Variants in PINX1 observed in about 807,000 individuals in gnomAD.
PINX1 encodes the protein PIN2 (TERF1) interacting telomerase inhibitor 1, also known as PIN2/TERF1-interacting telomerase inhibitor 1.
In PINX1, 34 loss-of-function variants were observed where a neutral mutation model predicts 25.4. That is an observed-to-expected ratio of 1.34 (90% CI 1.02 to 1.78). The LOEUF is 1.78. Among genes scored for constraint, PINX1 ranks in the 40% most tolerant of loss-of-function variants. PINX1 has a pLI of 0.00. For synonymous variants in PINX1, 197 were observed against 147.7 expected, an observed-to-expected ratio of 1.33 and a Z score of -2.42; for missense variants, 592 against 404.9, an observed-to-expected ratio of 1.46 and a Z score of -3.97.
chr8:10,780,135 T>C lies in PINX1; in HGVS notation c.472-14219A>G, dbSNP rs74794055. ...TTTTCTGGTAGTCTTTGGGGTTTTC[T>C]ACATATAGGATCAGGTCATCTGCAA... On this transcript the variant is annotated intron_variant, in intron 6 of 6. Transcript: ENST00000314787. Among the ~76,000 whole-genome samples the C allele has an allele frequency of 2.8e-3, 424 of 152,376 alleles. 1 individual carries two copies. Among genetic ancestry groups the C allele is most frequent in the African/African-American group, 9.4e-3 (392 of 41,600 alleles).
chr8:10,803,341 G>C (rs1249513301), intron 6 of PINX1, among the ~76,000 whole-genome samples: 1 of 152,116 alleles, frequency 6.6e-6, no homozygotes, highest in Non-Finnish European at 1.5e-5. Flanking sequence ...TAATTTCTTG[G>C]CATCTAATGC....
At chr8:10,818,254 G>A (rs1797760006) in intron 6 of PINX1, among the ~76,000 whole-genome samples, 1 of 152,140 alleles carries the variant, frequency 6.6e-6, no homozygotes, top group Non-Finnish European at 1.5e-5. Flanking sequence ...TACACACACT[G>A]GACCAAAAGA....
Position 10,820,046 on chromosome 8 carries a change from G to GATC in PINX1, c.471+144_471+146dup, listed in dbSNP as rs1211132590. ...ATCTACCCACTAATATTATGAAAAG[G>GATC]ATCATATCTAGGCTGTGCATGAAGC... On this transcript the variant is annotated intron_variant, in intron 6 of 6. Transcript: ENST00000314787. 6.8e-6 allele frequency: 4 copies of GATC among 590,872 alleles called. No individual in the cohort carries two copies. In the East Asian group the frequency reaches 1.1e-4, roughly 16 times the overall value. The allele number at this position is 590,872 out of a possible 1,614,324, so 36.6% of individuals were successfully genotyped here.
intron 6 of PINX1, among the ~76,000 whole-genome samples, chr8:10,813,167 T>A (rs79668182): frequency 1.3e-5 from 2 of 152,204 alleles, no homozygotes; most frequent in Non-Finnish European, 2.9e-5. Context: ...TGTGGGCTTA[T>A]AGTTCTCCCT....
chr8:10,787,666 G>C, intron 6 of PINX1: 1 of 332,046 alleles, frequency 3.0e-6, no homozygotes, highest in Non-Finnish European at 5.9e-6. Context: ...GGATAAATGT[G>C]GATTCAGCAG....
At chr8:10,822,814 C>T (rs544849961) in intron 5 of PINX1, among the ~76,000 whole-genome samples, 13 of 151,878 alleles carry the variant, frequency 8.6e-5, no homozygotes, top group Admixed American at 5.9e-4. Flanking sequence ...GTTGAGCTGC[C>T]GAGAGTAAAG....
At chr8:10,819,592 C>A (rs1797802939) in intron 6 of PINX1, among the ~76,000 whole-genome samples, 1 of 152,160 alleles carries the variant, frequency 6.6e-6, no homozygotes, top group Non-Finnish European at 1.5e-5. Flanking sequence ...ATTATACAGC[C>A]CAATTTAATA....
chr8:10,791,767 G>A (rs536216917), intron 6 of PINX1, among the ~76,000 whole-genome samples: 11 of 152,240 alleles, frequency 7.2e-5, no homozygotes, highest in Non-Finnish European at 1.2e-4. Context: ...TGGAAGAGAC[G>A]CCAGGGTGGT....
chr8:10,801,790 T>C (rs1347134353), intron 6 of PINX1, among the ~76,000 whole-genome samples: 1 of 152,192 alleles, frequency 6.6e-6, no homozygotes, highest in Non-Finnish European at 1.5e-5. Flanking sequence ...GCTTTAAACC[T>C]GTGAGCAATA....
intron 4 of PINX1, among the ~76,000 whole-genome samples, chr8:10,827,489 A>G (rs1798088646): frequency 6.6e-6 from 1 of 152,112 alleles, no homozygotes; most frequent in African/African-American, 2.4e-5. Context: ...AGCCACCTGC[A>G]TTCTCTCACC....
intron 6 of PINX1, among the ~76,000 whole-genome samples, chr8:10,813,352 A>G (rs1797596694): frequency 6.6e-6 from 1 of 152,182 alleles, no homozygotes; most frequent in South Asian, 2.1e-4. Flanking sequence ...AACACCCTTG[A>G]ATTAAAAGGC....
rs750545486 is a variant in PINX1 at position 10,834,752 on chromosome 8, C to T, written c.43G>A (p.Val15Met). ...AERRRKQKWA[V>M]DPQNTAWSND... ...CTCCAGGCAGTGTTCTGAGGATCCACAGCCCACTTCTGCTTCCGCCGACCT... is the reference window on the plus strand; with the variant it reads ...CTCCAGGCAGTGTTCTGAGGATCCATAGCCCACTTCTGCTTCCGCCGACCT... The change falls in exon 2 of 7, where the codon GTG becomes ATG. Residue 15 changes from valine (V) to methionine (M), a missense_variant. Transcript: ENST00000314787. 4 of 1,613,690 alleles carry T rather than the reference C, an allele frequency of 2.5e-6. No individual in the cohort carries two copies.
intron 6 of PINX1, among the ~76,000 whole-genome samples, chr8:10,819,741 C>T (rs539707611): frequency 2.0e-5 from 3 of 152,276 alleles, no homozygotes; most frequent in African/African-American, 7.2e-5. Context: ...GCTGATCTAG[C>T]GCTGTCTCAA....
intron 6 of PINX1, among the ~76,000 whole-genome samples, chr8:10,810,767 C>T (rs1294424486): frequency 6.6e-6 from 1 of 152,166 alleles, no homozygotes. Flanking sequence ...AAGGTCACTG[C>T]CTTAGTCATT....
Position 10,832,911 on chromosome 8 carries a change from C to A in PINX1, c.203G>T (p.Gly68Val). Reference sequence around the variant, plus strand: ...GCTCACTTCATTATTGATGGTAGCTCCGAGTCCCAGGTGGTTATTTTTCAC... The same window carrying A: ...GCTCACTTCATTATTGATGGTAGCTACGAGTCCCAGGTGGTTATTTTTCAC... ...VQVKNNHLGL[G>V]ATINNEDNWI... The change falls in exon 3 of 7, where the codon GGA (glycine) becomes GTA (valine). Residue 68 changes from glycine to valine, a missense_variant. Transcript: ENST00000314787. The A allele has an allele frequency of 1.2e-6, 2 of 1,610,006 alleles. No individual in the cohort carries two copies. The highest frequency in any genetic ancestry group is 1.1e-5 in the South Asian group (1 of 90,538).
At chr8:10,836,688 G>GC (rs200172914) in intron 1 of PINX1, among the ~76,000 whole-genome samples, 1 of 152,178 alleles carries the variant, frequency 6.6e-6, no homozygotes, top group East Asian at 1.9e-4. Flanking sequence ...AAGGATGTTG[G>GC]GGGGGCGGGG....
At chr8:10,794,735 C>A (rs1341567200) in intron 6 of PINX1, among the ~76,000 whole-genome samples, 1 of 152,198 alleles carries the variant, frequency 6.6e-6, no homozygotes, top group African/African-American at 2.4e-5. Flanking sequence ...GCTGCTGTTA[C>A]TACTTTTAAA....
At chr8:10,786,474 C>A (rs185485764) in intron 6 of PINX1, among the ~76,000 whole-genome samples, 16 of 152,216 alleles carry the variant, frequency 1.1e-4, no homozygotes, top group African/African-American at 3.6e-4. Context: ...GAACTATAAC[C>A]CTGAGAAAGA....
intron 6 of PINX1, among the ~76,000 whole-genome samples, chr8:10,776,656 T>A (rs1801406646): frequency 6.6e-6 from 1 of 152,046 alleles, no homozygotes; most frequent in Non-Finnish European, 1.5e-5. Context: ...TCACAACGGC[T>A]GATGATGACC....
Sources: gnomAD v4.1 joint callset for allele counts (sites outside exome capture counted in the v4.1 genomes callset) on GRCh38, gnomAD v4.1.1 for gene constraint, MANE v1.5 for transcripts, NCBI Gene and HGNC (gene_info 2026-07-23, HGNC 2026-07-21) for gene names.